SERHL2: variants seen among roughly 807,000 people sequenced by gnomAD.
SERHL2 encodes the protein serine hydrolase like 2.
Under a neutral mutation model 25.5 loss-of-function variants are expected in SERHL2, and 29 were observed. The observed-to-expected ratio is 1.14, with a 90% CI of 0.85 to 1.55. The LOEUF (loss-of-function observed/expected upper bound fraction) is 1.55. Ranked by LOEUF, SERHL2 falls within the 40% of genes most tolerant of loss-of-function variation. The probability of loss-of-function intolerance (pLI) is 0.00; values close to 1 mark genes in which losing one functional copy is unlikely to be tolerated. For missense variants in SERHL2, 240 were observed against 252.3 expected (o/e 0.95, Z 0.33); for synonymous variants, 95 against 103.5 (o/e 0.92, Z 0.50).
rs959214952 is a variant in SERHL2, at chr22:42,574,325, C to G, written c.*270C>G. ...GGAGGAAGGAAGGGCAGGCTGGGCC[C>G]ACCTAGCCTTTCCCTGCTGCCCAAC... is the stretch of plus-strand genomic sequence containing the variant. On this transcript the variant is annotated 3_prime_UTR_variant, in exon 12 of 12. Transcript: ENST00000327678. 6.9e-5 allele frequency: 37 copies of G among 534,114 alleles called. 2 individuals are homozygous for G. Among genetic ancestry groups the G allele is most frequent in the African/African-American group, 6.5e-4 (34 of 52,122 alleles). 33.1% of individuals were successfully genotyped at this position (534,114 alleles called of 1,614,324 possible). A position where few individuals can be genotyped will look rare whatever the true frequency, so the allele number is the denominator to read the frequency against.
rs1426884765 is a variant in SERHL2, at chr22:42,574,320, G to C, written c.*265G>C. ...CAGCTGGAGGAAGGAAGGGCAGGCTGGGCCCACCTAGCCTTTCCCTGCTGC... is the reference window on the plus strand; with the variant it reads ...CAGCTGGAGGAAGGAAGGGCAGGCTCGGCCCACCTAGCCTTTCCCTGCTGC... On this transcript the variant is annotated 3_prime_UTR_variant, in exon 12 of 12. Coordinates refer to ENST00000327678, the MANE Select transcript of SERHL2 (RefSeq NM_014509.5). 7 of 536,510 alleles carry C rather than the reference G, an allele frequency of 1.3e-5. No homozygotes were observed. Among genetic ancestry groups the C allele is most frequent in the South Asian group, 6.9e-5 (3 of 43,678 alleles). The allele number at this position is 536,510 out of a possible 1,614,324, so 33.2% of individuals were successfully genotyped here. A position where few individuals can be genotyped will look rare whatever the true frequency, so the allele number is the denominator to read the frequency against.
rs1306475951 is a variant in SERHL2, at chr22:42,568,051, G to T, written c.648+1713G>T. 2.6e-5 allele frequency among the ~76,000 whole-genome samples: 4 copies of T among 151,808 alleles called. No homozygotes were observed. The East Asian group carries it at 5.8e-4, about 22-fold the overall frequency. ...GGTCTATTTGAATTGTAGAGACAGG[G>T]TCTCCCTCTGTCACCCGGACTGGAG... is the stretch of plus-strand genomic sequence containing the variant. On this transcript the variant is annotated intron_variant, in intron 9 of 11. Coordinates refer to ENST00000327678, the MANE Select transcript of SERHL2 (RefSeq NM_014509.5).
At chr22:42,573,611 ATC>A (rs1319867171) in intron 11 of SERHL2, 1 of 274,314 alleles carries the variant, frequency 3.6e-6, no homozygotes, top group Non-Finnish European at 7.0e-6. Context: ...TCACGCCCCC[ATC>A]TCATTATCTT....
intron 10 of SERHL2, 119 bp downstream of exon 10, chr22:42,571,322 G>T: frequency 1.3e-6 from 2 of 1,493,602 alleles, no homozygotes; most frequent in Non-Finnish European, 1.8e-6. Context: ...CATCGCTAAG[G>T]CTCAAGATCT....
intron 8 of SERHL2, among the ~76,000 whole-genome samples, chr22:42,564,780 A>G (rs941200499): frequency 6.6e-6 from 1 of 151,604 alleles, no homozygotes; most frequent in Non-Finnish European, 1.5e-5. Context: ...GCTCTTTTAC[A>G]GAGTTTTTCT....
chr22:42,567,689 T>TA (rs963668631), intron 9 of SERHL2, among the ~76,000 whole-genome samples: 55 of 149,934 alleles, frequency 3.7e-4, no homozygotes, highest in African/African-American at 1.2e-3. Flanking sequence ...AATAAATAAA[T>TA]AAAAAAAATA....
At chr22:42,561,188 G>A (rs1379057697) in intron 8 of SERHL2, among the ~76,000 whole-genome samples, 1 of 151,910 alleles carries the variant, frequency 6.6e-6, no homozygotes, top group African/African-American at 2.4e-5. Context: ...CTCATGGCGG[G>A]GCCTGCTTCA....
In SERHL2 at chr22:42,574,248, T is replaced by A; in HGVS notation, c.*193T>A. The A allele has an allele frequency of 1.7e-6, 1 of 598,224 alleles. No individual in the cohort carries two copies. Among genetic ancestry groups the A allele is most frequent in the South Asian group, 2.1e-5 (1 of 48,330 alleles). The allele number at this position is 598,224 out of a possible 1,614,324, so 37.1% of individuals were successfully genotyped here. On this transcript the variant is annotated 3_prime_UTR_variant, in exon 12 of 12. Transcript: ENST00000327678. ...CTGTGACCTCAAGGGGGAGACAGAG[T>A]CTGGGTTCCAGGGCTGCTTTCTCCT... is the stretch of plus-strand genomic sequence containing the variant.
intron 8 of SERHL2, among the ~76,000 whole-genome samples, chr22:42,562,688 C>T (rs1922837514): frequency 6.6e-6 from 1 of 151,834 alleles, no homozygotes; most frequent in Admixed American, 6.6e-5. Flanking sequence ...CTACGGACTC[C>T]AGGAGGAGAA....
At chr22:42,559,193 G>A (rs992490784) in intron 7 of SERHL2, among the ~76,000 whole-genome samples, 1 of 81,922 alleles carries the variant, frequency 1.2e-5, no homozygotes, top group East Asian at 6.2e-4. Context: ...CCAGGAGTTA[G>A]AGACCAGCCT....
chr22:42,558,915 T>C (rs575682020), intron 7 of SERHL2, among the ~76,000 whole-genome samples: 55 of 12,266 alleles, frequency 4.5e-3, no homozygotes, highest in African/African-American at 0.017. Flanking sequence ...GCATGTGAAC[T>C]CCGCAACCCC....
chr22:42,554,456 CTG>C (rs1921986151), intron 1 of SERHL2, among the ~76,000 whole-genome samples: 2 of 152,188 alleles, frequency 1.3e-5, no homozygotes, highest in Non-Finnish European at 1.5e-5. Context: ...GTTTCCTGCT[CTG>C]TGGAGGGAGA....
In SERHL2 at chr22:42,566,363, C is replaced by G. The variant is rs758422102; in HGVS notation, c.648+25C>G. The G allele has an allele frequency of 2.5e-6, 4 of 1,609,560 alleles. No individual in the cohort carries two copies. The East Asian group carries it at 6.7e-5, about 27-fold the overall frequency. Reference sequence around the variant, plus strand: ...GGTGAGTACCACTGCCTCCGGGTCCCCCGCCAAGGTTTGCCTGTTAGCGTC... The same window carrying G: ...GGTGAGTACCACTGCCTCCGGGTCCGCCGCCAAGGTTTGCCTGTTAGCGTC... On this transcript the variant is annotated intron_variant, in intron 9 of 11. Transcript: ENST00000327678.
chr22:42,573,680 T>C, intron 11 of SERHL2: 1 of 530,920 alleles, frequency 1.9e-6, no homozygotes, highest in South Asian at 2.2e-5. Context: ...GGCCCCGCCC[T>C]GTCCCTGCCA....
Position 42,566,203 on chromosome 22 carries a change from C to A in SERHL2, c.614-101C>A, listed in dbSNP as rs370022127. The stretch of plus-strand genomic sequence containing the variant: ...GTCGGGGGCAGGTGGGAGAAATGGG[C>A]CCTGGCTGCAAAGGCCTGGAGGGTT... On this transcript the variant is annotated intron_variant, in intron 8 of 11. Coordinates refer to ENST00000327678, the MANE Select transcript of SERHL2 (RefSeq NM_014509.5). 1.4e-5 allele frequency: 17 copies of A among 1,176,814 alleles called. 1 individual carries two copies. In the South Asian group the frequency reaches 2.1e-4, roughly 15 times the overall value. The allele number at this position is 1,176,814 out of a possible 1,614,324, so 72.9% of individuals were successfully genotyped here.
At chr22:42,573,791 G>A in intron 11 of SERHL2, 145 bp from the exon 12 acceptor site, 1 of 794,918 alleles carries the variant, frequency 1.3e-6, no homozygotes, top group Non-Finnish European at 2.1e-6. Context: ...GCTCCAAGGA[G>A]CCGAGTGTGG....
At chr22:42,561,934 G>A (rs1054033145) in intron 8 of SERHL2, among the ~76,000 whole-genome samples, 2 of 151,824 alleles carry the variant, frequency 1.3e-5, no homozygotes, top group African/African-American at 4.8e-5. Context: ...GAGCTAATCT[G>A]GAATGAGGCC....
intron 9 of SERHL2, chr22:42,569,939 T>G (rs1923939596): frequency 6.6e-6 from 1 of 151,784 alleles, no homozygotes; most frequent in Non-Finnish European, 1.5e-5. Context: ...AGCTGGTCCT[T>G]ACGGGAGCTT....
rs979144707 is a variant in SERHL2, at chr22:42,560,113, C to T, written c.534-73C>T. The T allele has an allele frequency of 2.7e-6, 3 of 1,124,058 alleles. No homozygotes were observed. In the Admixed American group the frequency reaches 5.1e-5, roughly 19 times the overall value. The allele number at this position is 1,124,058 out of a possible 1,614,324, so 69.6% of individuals were successfully genotyped here. ...AGGCATGAGCCACCGTCCCCCCCGGCCCTCCTCTCCTTTTTATCTGACCTC... is the reference window on the plus strand; with the variant it reads ...AGGCATGAGCCACCGTCCCCCCCGGTCCTCCTCTCCTTTTTATCTGACCTC... On this transcript the variant is annotated intron_variant, in intron 7 of 11. Transcript: ENST00000327678.
Sources: gnomAD v4.1 joint callset for allele counts (sites outside exome capture counted in the v4.1 genomes callset) on GRCh38, gnomAD v4.1.1 for gene constraint, MANE v1.5 for transcripts, NCBI Gene and HGNC (gene_info 2026-07-23, HGNC 2026-07-21) for gene names.